Variants in SLC45A4 observed in about 807,000 individuals in gnomAD.
SLC45A4 encodes the protein polyamine-transporter SLC45A4.
A neutral mutation model predicts 63.7 loss-of-function variants in SLC45A4; 32 were observed. The ratio of observed to expected loss-of-function variants is 0.50; its 90% confidence interval spans 0.38 to 0.67. The LOEUF is 0.67. SLC45A4 is among the 30% of genes least tolerant of loss of function. SLC45A4 has a pLI of 0.00. For synonymous variants in SLC45A4, 535 were observed against 510.0 expected, an observed-to-expected ratio of 1.05 and a Z score of -0.66; for missense variants, 1,027 against 1,157.7, an observed-to-expected ratio of 0.89 and a Z score of 1.64.
chr8:141,235,381 T>C (rs1827574813), intron 2 of SLC45A4, among the ~76,000 whole-genome samples: 1 of 152,120 alleles, frequency 6.6e-6, no homozygotes, highest in Admixed American at 6.5e-5. Flanking sequence ...GCACTTCCGG[T>C]GTGGCTGCAG....
Position 141,219,592 on chromosome 8 carries a change from C to G in SLC45A4, c.610+58G>C. 5 of 1,543,662 alleles carry G rather than the reference C, an allele frequency of 3.2e-6. No individual in the cohort carries two copies. The South Asian group carries it at 4.9e-5, about 15-fold the overall frequency. Reference sequence around the variant, plus strand: ...ACAACACAGGCTCCTGTCCCCTCCCCACACCAGGCCCGGGCACGTTGGAAC... The same window carrying G: ...ACAACACAGGCTCCTGTCCCCTCCCGACACCAGGCCCGGGCACGTTGGAAC... On this transcript the variant is annotated intron_variant, in intron 4 of 8. Transcript: ENST00000517878.
chr8:141,219,332 C>T (rs1477050494), intron 4 of SLC45A4, among the ~76,000 whole-genome samples: 2 of 152,262 alleles, frequency 1.3e-5, no homozygotes, highest in Non-Finnish European at 2.9e-5. Context: ...TGGCCACGTT[C>T]ACCCTGGATG....
At chr8:141,274,000 C>T (rs370113098) in intron 1 of SLC45A4, among the ~76,000 whole-genome samples, 110 of 151,768 alleles carry the variant, frequency 7.2e-4, no homozygotes, top group East Asian at 2.1e-3. Context: ...GAGGCCGAGG[C>T]GGGTGGATCA....
rs1303453694 is a variant in SLC45A4, at chr8:141,212,288, T to C, written c.2210A>G (p.Glu737Gly). 2 of 1,606,994 alleles carry C rather than the reference T, an allele frequency of 1.2e-6. No individual in the cohort carries two copies. ...TTCGCTGTTCCCACCGGCCCTGCCTTCGCCGGCCAACGGGGAAGACAGGCC... is the reference window on the plus strand; with the variant it reads ...TTCGCTGTTCCCACCGGCCCTGCCTCCGCCGGCCAACGGGGAAGACAGGCC... ...QKGLSSPLAGEGRAGGNSEKP... is the reference protein window; with the variant it reads ...QKGLSSPLAGGGRAGGNSEKP... Residue 737 changes from glutamate to glycine, a missense_variant, in exon 8 of 9, where the codon GAA becomes GGA. Glu to Gly is a moderately conservative substitution (Grantham distance 98). Transcript: ENST00000517878.
chr8:141,224,615 C>T (rs1031160621), intron 2 of SLC45A4: 1 of 152,272 alleles, frequency 6.6e-6, no homozygotes, highest in African/African-American at 2.4e-5. Context: ...CACCCGGCGG[C>T]TAATTTTTGT....
intron 1 of SLC45A4, among the ~76,000 whole-genome samples, chr8:141,284,463 C>G (rs1377306952): frequency 6.6e-6 from 1 of 152,236 alleles, no homozygotes; most frequent in African/African-American, 2.4e-5. Flanking sequence ...GCGAGGACGT[C>G]TGGTGTCTAT....
intron 3 of SLC45A4, 47 bp downstream of exon 3, chr8:141,221,530 G>A (rs776384290): frequency 1.0e-5 from 16 of 1,574,816 alleles, no homozygotes; most frequent in Non-Finnish European, 1.4e-5. Context: ...CCAGGGCCAG[G>A]ACCCCGTCTG....
intron 1 of SLC45A4, among the ~76,000 whole-genome samples, chr8:141,307,301 G>C (rs1830927427): frequency 6.6e-6 from 1 of 152,206 alleles, no homozygotes; most frequent in Admixed American, 6.5e-5. Flanking sequence ...CTACAGAGCA[G>C]GGAATCTGGG....
chr8:141,271,778 G>A (rs1037852354), intron 1 of SLC45A4, among the ~76,000 whole-genome samples: 1 of 152,198 alleles, frequency 6.6e-6, no homozygotes, highest in Admixed American at 6.5e-5. Context: ...GCACAGGACA[G>A]GCACTGAGTG....
chr8:141,223,173 C>T (rs371737418), intron 2 of SLC45A4, among the ~76,000 whole-genome samples: 5 of 152,184 alleles, frequency 3.3e-5, no homozygotes, highest in Admixed American at 6.5e-5. Context: ...TGTATGCATT[C>T]GGCCGAGGAT....
chr8:141,253,697 C>A (rs1209128173), intron 2 of SLC45A4, among the ~76,000 whole-genome samples: 1 of 152,188 alleles, frequency 6.6e-6, no homozygotes, highest in East Asian at 1.9e-4. Flanking sequence ...AGAGGTGAGC[C>A]CCGGCCGAGA....
intron 7 of SLC45A4, among the ~76,000 whole-genome samples, chr8:141,213,400 G>A (rs1825955373): frequency 1.3e-5 from 2 of 152,206 alleles, no homozygotes; most frequent in Admixed American, 1.3e-4. Flanking sequence ...TGGCCATTAA[G>A]GAGTCACACT....
intron 1 of SLC45A4, among the ~76,000 whole-genome samples, chr8:141,258,485 G>C (rs762875070): frequency 1.6e-4 from 25 of 152,100 alleles, no homozygotes; most frequent in Non-Finnish European, 3.4e-4. Flanking sequence ...GGCAACCATC[G>C]GCCTCTCACA....
Position 141,304,013 on chromosome 8 carries a change from C to A in SLC45A4, c.-401+4083G>T, listed in dbSNP as rs556693065. ...GACAAAATGCCCAGCACTATTCCCCCCCGCGGCTCCCGACAGACTCTGAGA... is the reference window on the plus strand; with the variant it reads ...GACAAAATGCCCAGCACTATTCCCCACCGCGGCTCCCGACAGACTCTGAGA... On this transcript the variant is annotated intron_variant, in intron 1 of 8. Coordinates refer to ENST00000517878, the MANE Select transcript of SLC45A4 (RefSeq NM_001286646.2). Among the ~76,000 whole-genome samples, 318 of 152,320 alleles carry A rather than the reference C, an allele frequency of 2.1e-3. 1 individual carries two copies. Among genetic ancestry groups the A allele is most frequent in the Non-Finnish European group, 3.7e-3 (251 of 68,030 alleles).
At chr8:141,240,649 G>A (rs1380713783) in intron 2 of SLC45A4, among the ~76,000 whole-genome samples, 1 of 152,204 alleles carries the variant, frequency 6.6e-6, no homozygotes, top group Non-Finnish European at 1.5e-5. Flanking sequence ...TGAGGTGAAA[G>A]GATCACTTGA....
chr8:141,291,541 G>C (rs895005595), intron 1 of SLC45A4, among the ~76,000 whole-genome samples: 1 of 152,250 alleles, frequency 6.6e-6, no homozygotes, highest in Non-Finnish European at 1.5e-5. Context: ...TAACAGCGCA[G>C]ATCACTACAG....
Position 141,227,471 on chromosome 8 carries a change from G to A in SLC45A4, c.242-5706C>T, listed in dbSNP as rs1024273319. 6.6e-6 allele frequency among the ~76,000 whole-genome samples: 1 copy of A among 152,214 alleles called. No homozygotes were observed. Among genetic ancestry groups the A allele is most frequent in the Non-Finnish European group, 1.5e-5 (1 of 68,036 alleles). ...GTGCTGGGACCAAATGCCACAGTGC[G>A]GCGAAACTCGTGAGCACAAGTCCTG... On this transcript the variant is annotated intron_variant, in intron 2 of 8. Coordinates refer to ENST00000517878, the MANE Select transcript of SLC45A4 (RefSeq NM_001286646.2). The surrounding 1 kb of genome is among the most constrained non-coding windows in gnomAD (Gnocchi z 4.4).
At chr8:141,263,797 A>G (rs1829146184) in intron 1 of SLC45A4, among the ~76,000 whole-genome samples, 1 of 151,412 alleles carries the variant, frequency 6.6e-6, no homozygotes, top group Admixed American at 6.6e-5. Flanking sequence ...AAATAATAAT[A>G]AAAACAAAAA....
intron 5 of SLC45A4, 89 bp downstream of exon 5, chr8:141,217,922 G>C (rs1057040070): frequency 1.9e-5 from 28 of 1,443,340 alleles, no homozygotes; most frequent in Non-Finnish European, 2.6e-5. Flanking sequence ...TGGGCACGAG[G>C]AAGAGGCCCC....
Sources: allele counts gnomAD v4.1 joint callset (sites outside exome capture counted in the v4.1 genomes callset), GRCh38; gene constraint gnomAD v4.1.1; non-coding constraint Gnocchi (gnomAD v3.1); transcripts MANE v1.5; gene names NCBI Gene and HGNC (gene_info 2026-07-23, HGNC 2026-07-21).